Variants in RGMA observed in about 807,000 individuals in gnomAD.
RGMA encodes the protein repulsive guidance molecule A.
RGMA carries 10 observed loss-of-function variants against 23.2 expected under a neutral mutation model. The observed-to-expected ratio is 0.43, with a 90% confidence interval of 0.27 to 0.73. RGMA has a LOEUF of 0.73. Ranked by LOEUF, RGMA falls within the 30% of genes least tolerant of loss-of-function variation. The probability of loss-of-function intolerance (pLI) is 0.20; values close to 1 mark genes in which losing one functional copy is unlikely to be tolerated. For missense variants in RGMA, 547 were observed against 630.5 expected (o/e 0.87, Z 1.42); for synonymous variants, 308 against 279.3 (o/e 1.10, Z -1.03).
At chr15:93,088,781 C>T (rs985782280) in intron 1 of RGMA, 138 bp downstream of exon 1, 35 of 882,430 alleles carry the variant, frequency 4.0e-5, no homozygotes, top group Non-Finnish European at 5.4e-5. Flanking sequence ...CGCAGCAAAG[C>T]TCCAAATGTG....
At chr15:93,085,679 T>C (rs1248598697) in intron 1 of RGMA, among the ~76,000 whole-genome samples, 1 of 152,234 alleles carries the variant, frequency 6.6e-6, no homozygotes, top group Non-Finnish European at 1.5e-5. Context: ...TATGAGGTTA[T>C]AAAAGACATT....
At chr15:93,053,198 G>A (rs2141812493) in intron 2 of RGMA, among the ~76,000 whole-genome samples, 1 of 152,318 alleles carries the variant, frequency 6.6e-6, no homozygotes, top group African/African-American at 2.4e-5. Flanking sequence ...ACTGAGAGTA[G>A]TAACCTTGGA....
Position 93,052,501 on chromosome 15 carries a change from G to T in RGMA, c.137C>A (p.Ser46Tyr). 6.4e-7 allele frequency: 1 copy of T among 1,567,428 alleles called. No individual in the cohort carries two copies. ...FLLCSFPAATSPCKILKCNSE... is the reference protein window; with the variant it reads ...FLLCSFPAATYPCKILKCNSE... ...GTTGCACTTGAGGATCTTGCACGGG[G>T]AGGTGGCTGAGGAGAAAGGAACGAA... is the stretch of plus-strand genomic sequence containing the variant. The change falls in exon 3 of 4, where the codon TCC becomes TAC. Residue 46 changes from serine (S) to tyrosine (Y), a missense_variant. Physicochemically the swap from Ser to Tyr is moderately radical, Grantham distance 144. This residue lies in a region of RGMA where 214 missense variants were observed against 234.7 expected (regional missense o/e 0.91). Coordinates refer to ENST00000329082, the MANE Select transcript of RGMA (RefSeq NM_020211.3).
At chr15:93,071,745 A>G (rs1895330486) in intron 2 of RGMA, among the ~76,000 whole-genome samples, 1 of 152,260 alleles carries the variant, frequency 6.6e-6, no homozygotes, top group Non-Finnish European at 1.5e-5. Context: ...AGTTGGCGGA[A>G]GAGCAAATCA....
chr15:93,052,162 T>C lies in RGMA; in HGVS notation c.476A>G (p.Asn159Ser), dbSNP rs773927347. The change falls in exon 3 of 4, where the codon AAC becomes AGC. Residue 159 changes from asparagine to serine, a missense_variant. Physicochemically the swap from Asn to Ser is conservative, Grantham distance 46. This residue lies in a region of RGMA where 214 missense variants were observed against 234.7 expected (regional missense o/e 0.91). Transcript: ENST00000329082. Reference sequence around the variant, plus strand: ...CCCGAAGAGGCCACAGTGCGTGTAGTTGGGGGTGGCCGAGTGCTTGTGAAA... The same window carrying C: ...CCCGAAGAGGCCACAGTGCGTGTAGCTGGGGGTGGCCGAGTGCTTGTGAAA... ...KSFHKHSATP[N>S]YTHCGLFGDP... The C allele has an allele frequency of 2.4e-5, 38 of 1,613,208 alleles. No homozygotes were observed. The South Asian group carries it at 3.8e-4, about 16-fold the overall frequency.
intron 1 of RGMA, chr15:93,088,606 G>C: frequency 9.4e-7 from 1 of 1,063,732 alleles, no homozygotes; most frequent in Non-Finnish European, 1.2e-6. Context: ...TCCGCGAGCC[G>C]GGCTGAGGGA....
At chr15:93,060,014 C>T (rs2055076897) in intron 2 of RGMA, among the ~76,000 whole-genome samples, 1 of 152,206 alleles carries the variant, frequency 6.6e-6, no homozygotes, top group Non-Finnish European at 1.5e-5. Flanking sequence ...GAGCCAGCTG[C>T]CCCACAGGGT....
chr15:93,052,425 G>T lies in RGMA; in HGVS notation c.213C>A (p.Asp71Glu). 1 of 1,596,306 alleles carries T rather than the reference G, an allele frequency of 6.3e-7. No homozygotes were observed. Among genetic ancestry groups the T allele is most frequent in the Non-Finnish European group, 8.5e-7 (1 of 1,177,392 alleles). ...GCAAGGCTGCACAGAACTCGGGGGT[G>T]TCGTCTGAGGCTGGGGCGTGGCTGC... ...TSGSHAPASD[D>E]TPEFCAALRS... is the part of the protein sequence containing the mutation. The change falls in exon 3 of 4, where the codon GAC (aspartate) becomes GAA (glutamate). Residue 71 changes from aspartate to glutamate, a missense_variant. Transcript: ENST00000329082.
In RGMA at chr15:93,088,982, A is replaced by G; in HGVS notation, c.-50T>C. The G allele has an allele frequency of 6.2e-6, 8 of 1,298,754 alleles. No homozygotes were observed. The highest frequency in any genetic ancestry group is 7.9e-6 in the Non-Finnish European group (8 of 1,008,322). 80.5% of individuals were successfully genotyped at this position (1,298,754 alleles called of 1,614,324 possible). A position where few individuals can be genotyped will look rare whatever the true frequency, so the allele number is the denominator to read the frequency against. On this transcript the variant is annotated 5_prime_UTR_variant, in exon 1 of 4. Coordinates refer to ENST00000329082, the MANE Select transcript of RGMA (RefSeq NM_020211.3). The stretch of plus-strand genomic sequence containing the variant: ...GGCGCTGGCGGGGCTGCGGGAGAAG[A>G]GGGGGTGTCGGGGCGCCGCTCGTCT...
At position 93,040,264 on chromosome 15, in the gene RGMA, C is replaced by T. The variant is rs1289673600; in HGVS notation, c.*4734G>A. Reference sequence around the variant, plus strand: ...GACACATCATTCCTACACTCAAAGCCCGTGAACGGCTTCCTCTGGCAACTG... The same window carrying T: ...GACACATCATTCCTACACTCAAAGCTCGTGAACGGCTTCCTCTGGCAACTG... On this transcript the variant is annotated 3_prime_UTR_variant, in exon 4 of 4. Coordinates refer to ENST00000329082, the MANE Select transcript of RGMA (RefSeq NM_020211.3). 6.6e-6 allele frequency: 1 copy of T among 152,230 alleles called. No individual in the cohort carries two copies. The highest frequency in any genetic ancestry group is 1.5e-5 in the Non-Finnish European group (1 of 68,084). The allele number at this position is 152,230 out of a possible 1,614,324, so 9.4% of individuals were successfully genotyped here. A position where few individuals can be genotyped will look rare whatever the true frequency, so the allele number is the denominator to read the frequency against.
rs1555447552 is a variant in RGMA, at chr15:93,038,569, G to GTTTGTTTTTTTTTTTTTTTTTTTTTTTTT, written c.*6428_*6429insAAAAAAAAAAAAAAAAAAAAAAAAACAAA. ...GCCTTAATGAACGAAACTGTTAGTTGTTTTTTTTTTTTTTTTGAGACGGTG... is the reference window on the plus strand; with the variant it reads ...GCCTTAATGAACGAAACTGTTAGTTGTTTGTTTTTTTTTTTTTTTTTTTTTTTTTTTTTTTTTTTTTTTTTGAGACGGTG... On this transcript the variant is annotated 3_prime_UTR_variant, in exon 4 of 4. Coordinates refer to ENST00000329082, the MANE Select transcript of RGMA (RefSeq NM_020211.3). 1.0e-5 allele frequency: 1 copy of GTTTGTTTTTTTTTTTTTTTTTTTTTTTTT among 100,224 alleles called. No individual in the cohort carries two copies. Among genetic ancestry groups the GTTTGTTTTTTTTTTTTTTTTTTTTTTTTT allele is most frequent in the Non-Finnish European group, 2.3e-5 (1 of 42,826 alleles). 6.2% of individuals were successfully genotyped at this position (100,224 alleles called of 1,614,324 possible).
At chr15:93,071,187 G>A (rs561736870) in intron 2 of RGMA, among the ~76,000 whole-genome samples, 2 of 152,276 alleles carry the variant, frequency 1.3e-5, no homozygotes, top group South Asian at 4.1e-4. Flanking sequence ...ACTTCCAATG[G>A]GCTTGATCTT....
chr15:93,072,874 C>T (rs1390252920), intron 2 of RGMA, 42 bp downstream of exon 2: 3 of 1,566,316 alleles, frequency 1.9e-6, no homozygotes, highest in Admixed American at 3.7e-5. Flanking sequence ...TGAGGGGCGG[C>T]CCAGGGACCC....
At chr15:93,055,627 C>G (rs952466825) in intron 2 of RGMA, among the ~76,000 whole-genome samples, 2 of 151,846 alleles carry the variant, frequency 1.3e-5, no homozygotes, top group African/African-American at 2.4e-5. Flanking sequence ...CCCTCCCCCA[C>G]GGGTGGGCTC....
intron 2 of RGMA, among the ~76,000 whole-genome samples, chr15:93,062,006 C>T (rs565840651): frequency 5.9e-5 from 9 of 152,006 alleles, no homozygotes; most frequent in African/African-American, 1.4e-4. Flanking sequence ...AAAAGCTCAA[C>T]AGACCAATAA....
intron 1 of RGMA, 187 bp downstream of exon 1, chr15:93,088,732 C>T (rs1895684498): frequency 1.3e-6 from 1 of 760,976 alleles, no homozygotes; most frequent in African/African-American, 1.9e-5. Context: ...CACCAAACCA[C>T]AAAAACTTTC....
At chr15:93,053,494 C>G (rs147084372) in intron 2 of RGMA, among the ~76,000 whole-genome samples, 10 of 152,316 alleles carry the variant, frequency 6.6e-5, no homozygotes, top group Non-Finnish European at 1.5e-4. Context: ...GGAAAGGGAG[C>G]CTCAGCACTC....
In RGMA at chr15:93,071,482, G is replaced by A. The variant is rs142052056; in HGVS notation, c.130+1434C>T. On this transcript the variant is annotated intron_variant, in intron 2 of 3. Transcript: ENST00000329082. ...TCACCCGACATCTTGTCCTTGGCCA[G>A]GCCTCCCTATGGAACCTAGGTCTGG... Among the ~76,000 whole-genome samples the A allele has an allele frequency of 4.1e-3, 619 of 152,350 alleles. 3 individuals carry two copies. Among genetic ancestry groups the A allele is most frequent in the Non-Finnish European group, 6.8e-3 (465 of 68,036 alleles).
At chr15:93,073,529 G>C (rs1895410752) in intron 1 of RGMA, 7 of 1,458,702 alleles carry the variant, frequency 4.8e-6, no homozygotes, top group Non-Finnish European at 5.5e-6. Context: ...AATCCAAGTA[G>C]AAAAACTGTC....
Sources: gnomAD v4.1 joint callset for allele counts (sites outside exome capture counted in the v4.1 genomes callset) on GRCh38, gnomAD v4.1.1 for gene constraint, gnomAD v4.1.1 regional missense constraint, MANE v1.5 for transcripts, NCBI Gene and HGNC (gene_info 2026-07-23, HGNC 2026-07-21) for gene names.